The following CDON variants were observed in gnomAD, a reference collection of about 807,000 sequenced individuals.
CDON encodes cell adhesion molecule-related/down-regulated by oncogenes.
CDON carries 73 observed loss-of-function variants against 120.9 expected under a neutral mutation model. That is an observed-to-expected ratio of 0.60 (90% confidence interval 0.50 to 0.73). CDON has a LOEUF of 0.73. CDON is among the 30% of genes least tolerant of loss of function. The pLI is 0.00. For missense variants in CDON, 1,470 were observed against 1,587.3 expected (o/e 0.93, Z 1.26); for synonymous variants, 566 against 573.5 (o/e 0.99, Z 0.19).
Position 125,978,306 on chromosome 11 carries a change from ATTG to A in CDON, c.3351_3353del (p.Asn1118del), listed in dbSNP as rs765308589. 1.3e-6 allele frequency: 2 copies of A among 1,576,512 alleles called. No homozygotes were observed. The highest frequency in any genetic ancestry group is 2.2e-5 in the East Asian group (1 of 44,686). On this transcript the variant is annotated inframe_deletion, in exon 18 of 20. Transcript: ENST00000531738. ...GTGCAGACACATTATTAACATACCT[ATTG>A]TTGTTTCGACAATTTCGGCAGTTAA...
intron 15 of CDON, among the ~76,000 whole-genome samples, chr11:125,985,539 T>C (rs1946436832): frequency 2.0e-5 from 3 of 152,186 alleles, no homozygotes; most frequent in South Asian, 2.1e-4. Flanking sequence ...CTAGTGGTAA[T>C]GAAGGGTAAA....
intron 16 of CDON, among the ~76,000 whole-genome samples, chr11:125,981,747 T>A (rs893134322): frequency 2.6e-5 from 4 of 152,004 alleles, no homozygotes; most frequent in Non-Finnish European, 5.9e-5. Flanking sequence ...TAGGAAAAAG[T>A]GCTTAAACTC....
intron 1 of CDON, among the ~76,000 whole-genome samples, chr11:126,058,219 A>AAGGC (rs1321134941): frequency 2.6e-5 from 4 of 152,354 alleles, no homozygotes; most frequent in Non-Finnish European, 5.9e-5. Context: ...AGTAAGATGA[A>AAGGC]AGGCACATCA....
intron 2 of CDON, among the ~76,000 whole-genome samples, chr11:126,022,101 C>CAAAAAAAAA (rs56788784): frequency 3.5e-5 from 2 of 56,544 alleles, no homozygotes; most frequent in Non-Finnish European, 6.9e-5. Context: ...GACCCTGCTT[C>CAAAAAAAAA]AAAAAAAAAA....
At chr11:126,043,937 C>T (rs1948333890) in intron 1 of CDON, among the ~76,000 whole-genome samples, 1 of 152,180 alleles carries the variant, frequency 6.6e-6, no homozygotes, top group South Asian at 2.1e-4. Flanking sequence ...CCAGCGAAGT[C>T]CGGAACATCA....
intron 1 of CDON, among the ~76,000 whole-genome samples, chr11:126,052,326 T>C (rs543080192): frequency 2.0e-5 from 3 of 152,162 alleles, no homozygotes; most frequent in African/African-American, 7.2e-5. Flanking sequence ...AAAGGACTCA[T>C]ACTATGAAAA....
chr11:125,969,930 A>T (rs1261384734), intron 18 of CDON, among the ~76,000 whole-genome samples: 1 of 152,232 alleles, frequency 6.6e-6, no homozygotes, highest in East Asian at 1.9e-4. Context: ...AGCACCTCTG[A>T]AATATTTTCT....
intron 9 of CDON, 94 bp downstream of exon 9, chr11:126,005,665 T>C (rs1051075559): frequency 1.9e-4 from 219 of 1,175,676 alleles, no homozygotes; most frequent in Non-Finnish European, 2.5e-4. Context: ...TTGTTCTGTT[T>C]CCTGCCATTC....
At chr11:126,004,255 G>A (rs1458600462) in intron 9 of CDON, 179 bp from the exon 10 acceptor site, 2 of 684,174 alleles carry the variant, frequency 2.9e-6, no homozygotes, top group Admixed American at 4.5e-5. Flanking sequence ...AAGATCTGCT[G>A]CAAGAACGCT....
Position 125,965,471 on chromosome 11 carries a change from T to C in CDON, c.3357-3473A>G, listed in dbSNP as rs186192833. Reference sequence around the variant, plus strand: ...TTCTGGAGGCATCTGCTCGATTCAGTGCAGGAGGAAACAAGGTGTCAAGAA... The same window carrying C: ...TTCTGGAGGCATCTGCTCGATTCAGCGCAGGAGGAAACAAGGTGTCAAGAA... On this transcript the variant is annotated intron_variant, in intron 18 of 19. Coordinates refer to ENST00000531738, the MANE Select transcript of CDON (RefSeq NM_001378964.1). Among the ~76,000 whole-genome samples, 695 of 152,226 alleles carry C rather than the reference T, an allele frequency of 4.6e-3. 16 individuals are homozygous for C. Among genetic ancestry groups the C allele is most frequent in the Admixed American group, 0.039 (594 of 15,302 alleles).
At chr11:125,983,523 A>G (rs925622221) in intron 16 of CDON, among the ~76,000 whole-genome samples, 2 of 152,168 alleles carry the variant, frequency 1.3e-5, no homozygotes, top group African/African-American at 4.8e-5. Context: ...GCTCTGTACC[A>G]GTGTAAAGGT....
chr11:125,986,010 T>C (rs1024241182), intron 15 of CDON, among the ~76,000 whole-genome samples: 4 of 152,210 alleles, frequency 2.6e-5, no homozygotes, highest in Non-Finnish European at 5.9e-5. Flanking sequence ...TAAAGACACA[T>C]GCACACGTAT....
At chr11:126,019,146 T>C (rs1340478300) in intron 4 of CDON, among the ~76,000 whole-genome samples, 1 of 152,116 alleles carries the variant, frequency 6.6e-6, no homozygotes, top group Non-Finnish European at 1.5e-5. Context: ...GGGGCTACTT[T>C]CTGCCAACAA....
At chr11:126,054,887 G>A (rs1025048712) in intron 1 of CDON, among the ~76,000 whole-genome samples, 3 of 152,242 alleles carry the variant, frequency 2.0e-5, no homozygotes, top group East Asian at 3.9e-4. Context: ...ATTATGATAC[G>A]TATCAGTGCC....
intron 18 of CDON, among the ~76,000 whole-genome samples, chr11:125,965,167 G>A (rs1310847666): frequency 6.6e-6 from 1 of 152,154 alleles, no homozygotes; most frequent in Non-Finnish European, 1.5e-5. Context: ...CTGAGTTCAG[G>A]CAATCCACCC....
intron 10 of CDON, 55 bp from the exon 11 acceptor site, chr11:126,001,905 GA>G: frequency 2.6e-5 from 34 of 1,325,632 alleles, no homozygotes; most frequent in Admixed American, 3.5e-5. Context: ...ATGTAAAGTG[GA>G]AAAAAAAGAG....
intron 4 of CDON, 141 bp downstream of exon 4, chr11:126,019,478 T>C: frequency 4.7e-6 from 4 of 855,324 alleles, no homozygotes; most frequent in South Asian, 1.6e-5. Context: ...ATTATTTGTA[T>C]ATTGTAACCA....
At chr11:125,974,874 A>G (rs536042389) in intron 18 of CDON, among the ~76,000 whole-genome samples, 80 of 152,242 alleles carry the variant, frequency 5.3e-4, no homozygotes, top group Non-Finnish European at 9.9e-4. Context: ...CAGATCATCC[A>G]TGTTTGAAAC....
chr11:126,015,190 G>T, intron 7 of CDON, 51 bp downstream of exon 7: 1 of 1,530,266 alleles, frequency 6.5e-7, no homozygotes, highest in Non-Finnish European at 9.1e-7. Flanking sequence ...CACAACAAAA[G>T]CCCATCTGTA....
Sources: allele counts gnomAD v4.1 joint callset (sites outside exome capture counted in the v4.1 genomes callset), GRCh38; gene constraint gnomAD v4.1.1; transcripts MANE v1.5; gene names NCBI Gene and HGNC (gene_info 2026-07-23, HGNC 2026-07-21).